PLCXD2: variants seen among roughly 807,000 people sequenced by gnomAD.
PLCXD2 encodes the protein phosphatidylinositol specific phospholipase C X domain containing 2.
Under a neutral mutation model 28.6 loss-of-function variants are expected in PLCXD2, and 21 were observed. The ratio of observed to expected loss-of-function variants is 0.73; its 90% CI spans 0.52 to 1.06. The LOEUF is 1.06. Ranked by LOEUF, PLCXD2 falls within the 50% of genes least tolerant of loss-of-function variation. The pLI is 0.00. For synonymous variants in PLCXD2, 140 were observed against 150.1 expected (o/e 0.93, Z 0.49); for missense variants, 369 against 376.7 (o/e 0.98, Z 0.17).
intron 1 of PLCXD2, among the ~76,000 whole-genome samples, chr3:111,702,843 G>A (rs1161109826): frequency 6.6e-6 from 1 of 152,092 alleles, no homozygotes; most frequent in African/African-American, 2.4e-5. Flanking sequence ...GAGTTGTAGG[G>A]GAGTAATAAG....
chr3:111,703,644 A>C (rs1012507517), intron 1 of PLCXD2, among the ~76,000 whole-genome samples: 3 of 152,234 alleles, frequency 2.0e-5, no homozygotes, highest in African/African-American at 7.2e-5. Context: ...GAAATTTAAA[A>C]AGAAGAGAGA....
intron 2 of PLCXD2, among the ~76,000 whole-genome samples, chr3:111,709,754 C>G (rs1235150478): frequency 6.6e-6 from 1 of 152,096 alleles, no homozygotes; most frequent in African/African-American, 2.4e-5. Flanking sequence ...GGCTGTAGAG[C>G]AGGTGAAGAC....
chr3:111,689,597 C>A (rs188766996), intron 1 of PLCXD2, among the ~76,000 whole-genome samples: 27 of 152,320 alleles, frequency 1.8e-4, no homozygotes, highest in Admixed American at 1.4e-3. Context: ...ACATGATATA[C>A]CCCATTGGGA....
chr3:111,698,246 A>G (rs1940990752), intron 1 of PLCXD2, among the ~76,000 whole-genome samples: 2 of 152,212 alleles, frequency 1.3e-5, no homozygotes, highest in South Asian at 4.1e-4. Context: ...TAGTCTTCAC[A>G]ACAGACCAAT....
chr3:111,708,416 G>T, intron 2 of PLCXD2, 30 bp downstream of exon 2: 2 of 1,580,882 alleles, frequency 1.3e-6, no homozygotes, highest in Admixed American at 1.7e-5. Flanking sequence ...AAGCTTCCAA[G>T]AGCAAGAATT....
At chr3:111,718,523 AGATAGATAGATT>A (rs758159642) in intron 3 of PLCXD2, among the ~76,000 whole-genome samples, 9,616 of 138,370 alleles carry the variant, frequency 0.069, 370 homozygotes, top group Non-Finnish European at 0.092. Context: ...ATAGATAGAT[AGATAGATAGATT>A]GATTGATTTA....
intron 1 of PLCXD2, among the ~76,000 whole-genome samples, chr3:111,684,164 T>C (rs1004884491): frequency 1.3e-5 from 2 of 151,714 alleles, no homozygotes; most frequent in Non-Finnish European, 2.9e-5. Context: ...ACTCCATCTC[T>C]ACTAAAAATA....
At chr3:111,687,649 C>T (rs1940813791) in intron 1 of PLCXD2, among the ~76,000 whole-genome samples, 1 of 151,566 alleles carries the variant, frequency 6.6e-6, no homozygotes, top group African/African-American at 2.4e-5. Context: ...CATGTTCATC[C>T]CTCTGTTCTT....
chr3:111,718,366 G>T (rs1190888244), intron 3 of PLCXD2, among the ~76,000 whole-genome samples: 1 of 152,136 alleles, frequency 6.6e-6, no homozygotes, highest in East Asian at 1.9e-4. Context: ...TCGGGAGGCT[G>T]AGGCAGGAGA....
chr3:111,713,823 A>T (rs1321603119), intron 2 of PLCXD2, 64 bp from the exon 3 acceptor site: 2 of 1,551,038 alleles, frequency 1.3e-6, no homozygotes, highest in Non-Finnish European at 1.8e-6. Flanking sequence ...TCCGTATAAA[A>T]CGGAGGAGTT....
intron 1 of PLCXD2, among the ~76,000 whole-genome samples, chr3:111,692,682 A>G (rs1374136461): frequency 6.6e-6 from 1 of 152,256 alleles, no homozygotes; most frequent in African/African-American, 2.4e-5. Flanking sequence ...AATTAACAAC[A>G]GAGGTGAAAA....
At chr3:111,686,033 G>A (rs1940790174) in intron 1 of PLCXD2, among the ~76,000 whole-genome samples, 1 of 152,194 alleles carries the variant, frequency 6.6e-6, no homozygotes, top group African/African-American at 2.4e-5. Flanking sequence ...GAGCAGGGAA[G>A]GTTTAGTACC....
At chr3:111,701,785 G>A (rs181772161) in intron 1 of PLCXD2, among the ~76,000 whole-genome samples, 2 of 152,216 alleles carry the variant, frequency 1.3e-5, no homozygotes, top group African/African-American at 2.4e-5. Flanking sequence ...CAAATGTAAG[G>A]TTTTGGTAAC....
At chr3:111,700,190 T>C (rs1247237168) in intron 1 of PLCXD2, among the ~76,000 whole-genome samples, 2 of 152,200 alleles carry the variant, frequency 1.3e-5, no homozygotes, top group African/African-American at 2.4e-5. Context: ...GATTCTGATA[T>C]GCATCTAAGG....
chr3:111,709,664 G>C (rs1395100432), intron 2 of PLCXD2, among the ~76,000 whole-genome samples: 1 of 152,106 alleles, frequency 6.6e-6, no homozygotes, highest in Non-Finnish European at 1.5e-5. Context: ...TGCTTATTTG[G>C]GGGCAGAAGA....
At chr3:111,711,319 G>T (rs908470257) in intron 2 of PLCXD2, among the ~76,000 whole-genome samples, 1 of 152,180 alleles carries the variant, frequency 6.6e-6, no homozygotes, top group African/African-American at 2.4e-5. Flanking sequence ...CAAGAGAATC[G>T]CTTGAACCCA....
At chr3:111,722,034 C>G (rs909194379) in intron 3 of PLCXD2, 20 of 152,158 alleles carry the variant, frequency 1.3e-4, no homozygotes, top group African/African-American at 4.8e-4. Context: ...AGTGTTGGAA[C>G]ATTTCCAGTC....
intron 1 of PLCXD2, among the ~76,000 whole-genome samples, chr3:111,685,429 C>T (rs1430300132): frequency 6.6e-6 from 1 of 152,116 alleles, no homozygotes; most frequent in Non-Finnish European, 1.5e-5. Flanking sequence ...CATAAACCAG[C>T]TGTGAAATGG....
chr3:111,721,944 G>A (rs1941351585), intron 3 of PLCXD2: 1 of 152,206 alleles, frequency 6.6e-6, no homozygotes, highest in African/African-American at 2.4e-5. Context: ...TGGATTTGGA[G>A]CCATTCTATA....
Sources: gnomAD v4.1 joint callset for allele counts (sites outside exome capture counted in the v4.1 genomes callset) on GRCh38, gnomAD v4.1.1 for gene constraint, MANE v1.5 for transcripts, NCBI Gene and HGNC (gene_info 2026-07-23, HGNC 2026-07-21) for gene names.